KLF13: variants seen among roughly 807,000 people sequenced by gnomAD.
KLF13 encodes the protein KLF transcription factor 13.
Under a neutral mutation model 16.7 loss-of-function variants are expected in KLF13, and 8 were observed. That is an observed-to-expected ratio of 0.48 (90% CI 0.28 to 0.87). The LOEUF (loss-of-function observed/expected upper bound fraction) is 0.87. Among genes scored for constraint, KLF13 ranks in the 40% least tolerant of loss-of-function variants. The pLI is 0.10. For synonymous variants in KLF13, 245 were observed against 208.4 expected (o/e 1.18, Z -1.51); for missense variants, 447 against 452.2 (o/e 0.99, Z 0.10).
intron 1 of KLF13, among the ~76,000 whole-genome samples, chr15:31,330,444 G>T (rs2038808146): frequency 6.6e-6 from 1 of 152,194 alleles, no homozygotes; most frequent in Non-Finnish European, 1.5e-5. Context: ...TCCTCTATGT[G>T]ACCAGGGACC....
intron 1 of KLF13, among the ~76,000 whole-genome samples, chr15:31,339,700 GC>G (rs1253624736): frequency 5.3e-5 from 8 of 152,222 alleles, no homozygotes; most frequent in Non-Finnish European, 1.0e-4. Context: ...CAGAGGCCTG[GC>G]CCCCTCCCTG....
At chr15:31,354,505 C>G (rs2039268725) in intron 1 of KLF13, among the ~76,000 whole-genome samples, 1 of 152,200 alleles carries the variant, frequency 6.6e-6, no homozygotes, top group Admixed American at 6.5e-5. Flanking sequence ...CTCAGCCTCT[C>G]AAGTAGCTGG....
chr15:31,433,771 C>T (rs1272755062), intron 1 of KLF13, among the ~76,000 whole-genome samples: 1 of 152,226 alleles, frequency 6.6e-6, no homozygotes, highest in Non-Finnish European at 1.5e-5. Flanking sequence ...CCTGTGTGGG[C>T]TGACACTGAC....
chr15:31,329,875 T>C (rs903875606), intron 1 of KLF13, among the ~76,000 whole-genome samples: 1 of 151,226 alleles, frequency 6.6e-6, no homozygotes, highest in Non-Finnish European at 1.5e-5. Context: ...TGGCGGGGAG[T>C]TGGGAAGAAT....
chr15:31,369,814 T>A (rs2039529474), intron 1 of KLF13, among the ~76,000 whole-genome samples: 1 of 152,220 alleles, frequency 6.6e-6, no homozygotes, highest in African/African-American at 2.4e-5. Flanking sequence ...CCTGTTCCTT[T>A]GTCTTCAGGA....
At chr15:31,422,537 A>C (rs1362186804) in intron 1 of KLF13, among the ~76,000 whole-genome samples, 2 of 151,794 alleles carry the variant, frequency 1.3e-5, no homozygotes, top group African/African-American at 2.4e-5. Context: ...TGCCCTTGAC[A>C]TGTGGGGATT....
In KLF13 at chr15:31,327,460, G is replaced by T; in HGVS notation, c.248G>T (p.Arg83Leu). The T allele has an allele frequency of 8.2e-7, 1 of 1,220,802 alleles. No homozygotes were observed. The highest frequency in any genetic ancestry group is 1.0e-6 in the Non-Finnish European group (1 of 980,906). 75.6% of individuals were successfully genotyped at this position (1,220,802 alleles called of 1,614,324 possible). ...QQAPAPAPAE[R>L]REGAAARKAR... ...GCGCCGGCGCCCGCCCCGGCGGAGC[G>T]CAGGGAGGGCGCCGCGGCCCGGAAG... Residue 83 changes from arginine to leucine, a missense_variant, in exon 1 of 2, where the codon CGC (arginine) becomes CTC (leucine). Transcript: ENST00000307145.
At chr15:31,395,619 G>T (rs2140987130) in intron 2 of KLF13, among the ~76,000 whole-genome samples, 1 of 152,236 alleles carries the variant, frequency 6.6e-6, no homozygotes, top group South Asian at 2.1e-4. Context: ...ATCCATGAGA[G>T]GTCCAGCTTC....
chr15:31,361,169 GGCCCCTGGGT>G (rs1163843834), intron 1 of KLF13, among the ~76,000 whole-genome samples: 1 of 152,140 alleles, frequency 6.6e-6, no homozygotes, highest in Non-Finnish European at 1.5e-5. Flanking sequence ...GGGCAGCAGG[GGCCCCTGGGT>G]GCAGAGGGTA....
In KLF13 at chr15:31,327,148, C is replaced by T. The variant is rs1194290845; in HGVS notation, c.-65C>T. 3.2e-6 allele frequency: 4 copies of T among 1,240,254 alleles called. No homozygotes were observed. The highest frequency in any genetic ancestry group is 3.6e-5 in the East Asian group (1 of 27,616). The allele number at this position is 1,240,254 out of a possible 1,614,324, so 76.8% of individuals were successfully genotyped here. A position where few individuals can be genotyped will look rare whatever the true frequency, so the allele number is the denominator to read the frequency against. ...CGCCCCCCGCCCGCTCTCCCGAGGC[C>T]GTGGGTGCGGATGCGCGGCTGACGA... On this transcript the variant is annotated 5_prime_UTR_variant, in exon 1 of 2. Coordinates refer to ENST00000307145, the MANE Select transcript of KLF13 (RefSeq NM_015995.4).
chr15:31,328,505 C>T (rs1230045931), intron 1 of KLF13, among the ~76,000 whole-genome samples: 6 of 151,992 alleles, frequency 3.9e-5, no homozygotes, highest in Non-Finnish European at 7.4e-5. Flanking sequence ...CTAGGCTCCT[C>T]GGCCTCGAGG....
At chr15:31,405,695 C>A (rs2040119287), downstream of KLF13, among the ~76,000 whole-genome samples, 1 of 152,196 alleles carries the variant, frequency 6.6e-6, no homozygotes, top group Admixed American at 6.5e-5. Context: ...ACTCACCCGA[C>A]TAAGCAGAAG....
At chr15:31,329,448 C>A (rs889705117) in intron 1 of KLF13, among the ~76,000 whole-genome samples, 3 of 152,072 alleles carry the variant, frequency 2.0e-5, no homozygotes, top group African/African-American at 7.2e-5. Context: ...GGGTGGCCTG[C>A]CACTCGGCAG....
At chr15:31,368,077 T>C (rs925188999) in intron 1 of KLF13, among the ~76,000 whole-genome samples, 2 of 145,054 alleles carry the variant, frequency 1.4e-5, no homozygotes, top group Non-Finnish European at 3.0e-5. Flanking sequence ...TTCTCCATGC[T>C]CCACACTTGG....
chr15:31,338,968 C>T (rs2038979149), intron 1 of KLF13, among the ~76,000 whole-genome samples: 1 of 152,078 alleles, frequency 6.6e-6, no homozygotes. Flanking sequence ...TGAAGGCACC[C>T]CTTCTTTGTG....
intron 1 of KLF13, among the ~76,000 whole-genome samples, chr15:31,383,147 G>A (rs2039748516): frequency 6.6e-6 from 1 of 152,216 alleles, no homozygotes; most frequent in African/African-American, 2.4e-5. Context: ...TTGGGAAAGT[G>A]GTTATTGCAT....
chr15:31,395,306 ACT>A (rs1432589457), intron 2 of KLF13, among the ~76,000 whole-genome samples: 2 of 151,868 alleles, frequency 1.3e-5, no homozygotes, highest in Admixed American at 6.6e-5. Flanking sequence ...GCTTGATAAT[ACT>A]CTGTCGTATG....
At chr15:31,370,993 C>G (rs1360994583) in intron 1 of KLF13, among the ~76,000 whole-genome samples, 1 of 151,948 alleles carries the variant, frequency 6.6e-6, no homozygotes, top group Non-Finnish European at 1.5e-5. Context: ...CATGGGTAGA[C>G]CAGCTTCAGT....
downstream of KLF13, among the ~76,000 whole-genome samples, chr15:31,382,235 C>T (rs1159617922): frequency 3.3e-5 from 5 of 152,166 alleles, no homozygotes; most frequent in East Asian, 3.9e-4. Flanking sequence ...AGAGGCCTGC[C>T]GGGCAGCAGC....
Sources: gnomAD v4.1 joint callset for allele counts (sites outside exome capture counted in the v4.1 genomes callset) on GRCh38, gnomAD v4.1.1 for gene constraint, MANE v1.5 for transcripts, NCBI Gene and HGNC (gene_info 2026-07-23, HGNC 2026-07-21) for gene names.